Variants in TF observed in about 807,000 individuals in gnomAD.
TF encodes the protein serotransferrin.
TF carries 55 observed loss-of-function variants against 82.4 expected under a neutral mutation model. That is an observed-to-expected ratio of 0.67 (90% CI 0.54 to 0.84). TF has a LOEUF of 0.84. Ranked by LOEUF, TF falls within the 40% of genes least tolerant of loss-of-function variation. The pLI, the probability that TF is intolerant of heterozygous loss-of-function variation, is 0.00. For missense variants in TF, 737 were observed against 868.4 expected (o/e 0.85, Z 1.90); for synonymous variants, 332 against 332.6 (o/e 1.00, Z 0.02).
the TF span, among the ~76,000 whole-genome samples, chr3:133,669,473 C>G: frequency 6.6e-6 from 1 of 152,246 alleles, no homozygotes; most frequent in Non-Finnish European, 1.5e-5. Context: ...TAGCCAGAGA[C>G]TATGGTTCCC....
At chr3:133,764,962 G>A (rs1934091674) in intron 11 of TF, 55 bp downstream of exon 11, 1 of 1,585,096 alleles carries the variant, frequency 6.3e-7, no homozygotes, top group South Asian at 1.1e-5. Flanking sequence ...ATTGTTTTGG[G>A]GAATTGGTTA....
the TF span, among the ~76,000 whole-genome samples, chr3:133,735,339 CAAAA>C: frequency 4.9e-5 from 6 of 123,420 alleles, no homozygotes; most frequent in Admixed American, 8.4e-5. Context: ...GACTCCATCC[CAAAA>C]AAAAAAAAAA....
the TF span, among the ~76,000 whole-genome samples, chr3:133,671,285 G>A: frequency 6.6e-6 from 1 of 152,000 alleles, no homozygotes; most frequent in Non-Finnish European, 1.5e-5. Flanking sequence ...TGGCCCACCT[G>A]GATAATCAAG....
At chr3:133,714,289 G>A in the TF span, among the ~76,000 whole-genome samples, 1 of 152,174 alleles carries the variant, frequency 6.6e-6, no homozygotes, top group African/African-American at 2.4e-5. Context: ...GGGCAGTGCT[G>A]GACCTTTGAG....
the TF span, among the ~76,000 whole-genome samples, chr3:133,670,443 G>A: frequency 6.6e-6 from 1 of 152,174 alleles, no homozygotes; most frequent in Non-Finnish European, 1.5e-5. Flanking sequence ...AATGACTTTA[G>A]CACTTTGGAT....
the TF span, chr3:133,701,937 G>A: frequency 6.5e-6 from 1 of 152,830 alleles, no homozygotes; most frequent in Non-Finnish European, 1.5e-5. Flanking sequence ...ACCCGGCCTA[G>A]ATGTGGAAGA....
rs1273042909 is a variant in TF, at chr3:133,767,464, C to T, written c.1487-565C>T. Among the ~76,000 whole-genome samples, 5 of 152,300 alleles carry T rather than the reference C, an allele frequency of 3.3e-5. 1 individual carries two copies. In the South Asian group the frequency reaches 1.0e-3, roughly 32 times the overall value. On this transcript the variant is annotated intron_variant, in intron 12 of 16. Coordinates refer to ENST00000402696, the MANE Select transcript of TF (RefSeq NM_001063.4). ...GCCTCTGTACCAGGGTGCTTTGTGA[C>T]ACCACTTAGACATGAAGCAAAGTGT...
At chr3:133,772,129 C>T (rs539608685) in intron 14 of TF, among the ~76,000 whole-genome samples, 1 of 152,182 alleles carries the variant, frequency 6.6e-6, no homozygotes, top group Non-Finnish European at 1.5e-5. Flanking sequence ...GCTACAGAAA[C>T]TCTTTGAGCT....
Position 133,796,063 on chromosome 3 carries a change from A to G in TF, c.*17443A>G, listed in dbSNP as rs1335235192. 2 of 152,770 alleles carry G rather than the reference A, an allele frequency of 1.3e-5. No homozygotes were observed. Among genetic ancestry groups the G allele is most frequent in the African/African-American group, 4.8e-5 (2 of 41,422 alleles). 9.5% of individuals were successfully genotyped at this position (152,770 alleles called of 1,614,324 possible). The stretch of plus-strand genomic sequence containing the variant: ...TTTTTCTCCTACAAATCTCTATAAC[A>G]AACATTCCTGACAGCATAGATATCC... On this transcript the variant is annotated 3_prime_UTR_variant, in exon 17 of 17. Coordinates refer to ENST00000402696, the MANE Select transcript of TF (RefSeq NM_001063.4).
the TF span, among the ~76,000 whole-genome samples, chr3:133,719,721 A>T: frequency 6.6e-6 from 1 of 152,090 alleles, no homozygotes; most frequent in Non-Finnish European, 1.5e-5. Context: ...CATTTTTACA[A>T]TGTTAATTTT....
At chr3:133,758,077 C>T (rs1933889903) in intron 8 of TF, 131 bp downstream of exon 8, 1 of 838,674 alleles carries the variant, frequency 1.2e-6, no homozygotes, top group Non-Finnish European at 1.9e-6. Context: ...TGTCTGTGAG[C>T]CCAGTGTTAG....
chr3:133,762,520 T>C (rs867307561), intron 9 of TF, among the ~76,000 whole-genome samples: 47 of 152,298 alleles, frequency 3.1e-4, no homozygotes, highest in Middle Eastern at 3.4e-3. Flanking sequence ...TTGTTGTTAA[T>C]CTCTTACTGT....
At chr3:133,691,597 G>C in the TF span, 3 of 152,754 alleles carry the variant, frequency 2.0e-5, no homozygotes, top group African/African-American at 7.2e-5. Flanking sequence ...GAGCAGTGAT[G>C]TAATGGAGGT....
chr3:133,680,155 A>G, the TF span, among the ~76,000 whole-genome samples: 1 of 151,756 alleles, frequency 6.6e-6, no homozygotes, highest in African/African-American at 2.4e-5. Context: ...TTTTTTTTAA[A>G]TGATGGGAGG....
the TF span, among the ~76,000 whole-genome samples, chr3:133,726,716 C>T: frequency 0.011 from 1,626 of 152,190 alleles, 12 homozygotes; most frequent in Non-Finnish European, 0.018. Context: ...AATGTGTTTG[C>T]TCTTGCATTT....
intron 1 of TF, 83 bp downstream of exon 1, chr3:133,746,566 T>G: frequency 6.9e-7 from 1 of 1,453,252 alleles, no homozygotes; most frequent in Non-Finnish European, 9.3e-7. Context: ...GCAGCCTGCA[T>G]GCACTCCGCG....
the TF span, among the ~76,000 whole-genome samples, chr3:133,674,006 G>C: frequency 6.6e-6 from 1 of 152,108 alleles, no homozygotes; most frequent in Non-Finnish European, 1.5e-5. Flanking sequence ...AGTGTCATTT[G>C]GGTAGAGTTT....
the TF span, among the ~76,000 whole-genome samples, chr3:133,671,772 G>A: frequency 2.0e-5 from 3 of 146,482 alleles, no homozygotes; most frequent in Non-Finnish European, 4.5e-5. Flanking sequence ...CAGCCTGGGC[G>A]ATAGAGTGAG....
rs542271293 is a variant in TF at position 133,771,934 on chromosome 3, C to T, written c.1687+1362C>T. Among the ~76,000 whole-genome samples, 6 of 152,106 alleles carry T rather than the reference C, an allele frequency of 3.9e-5. No homozygotes were observed. In the South Asian group the frequency reaches 1.0e-3, roughly 26 times the overall value. Reference sequence around the variant, plus strand: ...ACTGGAATTCAAGCTGTGAATACTTCCCTGCCTTCTCTCATGTTCATTCCC... The same window carrying T: ...ACTGGAATTCAAGCTGTGAATACTTTCCTGCCTTCTCTCATGTTCATTCCC... On this transcript the variant is annotated intron_variant, in intron 14 of 16. Transcript: ENST00000402696.
Sources: allele counts gnomAD v4.1 joint callset (sites outside exome capture counted in the v4.1 genomes callset), GRCh38; gene constraint gnomAD v4.1.1; transcripts MANE v1.5; gene names NCBI Gene and HGNC (gene_info 2026-07-23, HGNC 2026-07-21).